The following ENY2 variants were observed in gnomAD, a reference collection of about 807,000 sequenced individuals.
ENY2 encodes the protein transcription and mRNA export factor ENY2.
A neutral mutation model predicts 15.9 loss-of-function variants in ENY2; 4 were observed. The ratio of observed to expected loss-of-function variants is 0.25; its 90% CI spans 0.12 to 0.57. ENY2 has a LOEUF of 0.57. Among genes scored for constraint, ENY2 ranks in the 20% least tolerant of loss-of-function variants. The probability of loss-of-function intolerance (pLI) is 0.91; values close to 1 mark genes in which losing one functional copy is unlikely to be tolerated. For missense variants in ENY2, 54 were observed against 117.2 expected (o/e 0.46, Z 2.49); for synonymous variants, 48 against 38.0 (o/e 1.26, Z -0.97).
At chr8:109,334,980 C>G (rs1388659357) in intron 1 of ENY2, 1 of 153,390 alleles carries the variant, frequency 6.5e-6, no homozygotes, top group Non-Finnish European at 1.5e-5. Context: ...TAACTCATTG[C>G]CAGTCTGAAT....
rs1275771969 is a variant in ENY2 at position 109,334,606 on chromosome 8, G to T, written c.6+132G>T. On this transcript the variant is annotated intron_variant, in intron 1 of 4. Coordinates refer to ENST00000521688, the MANE Select transcript of ENY2 (RefSeq NM_020189.6). The stretch of plus-strand genomic sequence containing the variant: ...GGGCTCTCCGACAGGGCGTGCTACC[G>T]GAGTTGGCCTGAAACCAGTCCTCGC... 2.6e-6 allele frequency: 3 copies of T among 1,145,142 alleles called. No individual in the cohort carries two copies. In the African/African-American group the frequency reaches 4.8e-5, roughly 18 times the overall value. The allele number at this position is 1,145,142 out of a possible 1,614,324, so 70.9% of individuals were successfully genotyped here.
intron 4 of ENY2, 79 bp from the exon 5 acceptor site, chr8:109,343,326 T>C (rs1197430167): frequency 1.7e-6 from 2 of 1,156,626 alleles, no homozygotes; most frequent in African/African-American, 1.6e-5. Context: ...TTGTTTACCC[T>C]GAGCAAAATG....
At chr8:109,342,769 G>A in intron 4 of ENY2, 1 of 695,472 alleles carries the variant, frequency 1.4e-6, no homozygotes, top group African/African-American at 1.8e-5. Context: ...CTTCCAGACT[G>A]CTGGGATGAC....
intron 3 of ENY2, 171 bp from the exon 4 acceptor site, chr8:109,340,318 G>C (rs1398899282): frequency 1.2e-6 from 1 of 856,724 alleles, no homozygotes; most frequent in Non-Finnish European, 1.7e-6. Context: ...TTATCTTTTA[G>C]ATCTAAAGAA....
Position 109,345,159 on chromosome 8 carries a change from C to T in ENY2, c.*1678C>T, listed in dbSNP as rs1816216750. 6.6e-6 allele frequency: 1 copy of T among 152,156 alleles called. No homozygotes were observed. Among genetic ancestry groups the T allele is most frequent in the Non-Finnish European group, 1.5e-5 (1 of 68,030 alleles). The allele number at this position is 152,156 out of a possible 1,614,324, so 9.4% of individuals were successfully genotyped here. A position where few individuals can be genotyped will look rare whatever the true frequency, so the allele number is the denominator to read the frequency against. On this transcript the variant is annotated 3_prime_UTR_variant, in exon 5 of 5. Transcript: ENST00000521688. Reference sequence around the variant, plus strand: ...ATTCAGACATCCCTCTGACTTAGATCCCCCACTACTGTTTTTCTGTGAGAA... The same window carrying T: ...ATTCAGACATCCCTCTGACTTAGATTCCCCACTACTGTTTTTCTGTGAGAA...
intron 1 of ENY2, chr8:109,334,749 A>C (rs1473684577): frequency 3.9e-6 from 2 of 512,000 alleles, no homozygotes; most frequent in African/African-American, 4.0e-5. Flanking sequence ...CAGTGAGAAA[A>C]CTGAGGCCTT....
intron 2 of ENY2, 148 bp downstream of exon 2, chr8:109,336,352 T>G (rs1815985775): frequency 1.4e-6 from 1 of 730,700 alleles, no homozygotes; most frequent in Admixed American, 2.8e-5. Context: ...GAAAAAATAA[T>G]TTAGGTTTGT....
At chr8:109,342,594 A>C (rs1236608658) in intron 4 of ENY2, 5 of 618,544 alleles carry the variant, frequency 8.1e-6, no homozygotes, top group Non-Finnish European at 1.2e-5. Flanking sequence ...ACTAGCCCGG[A>C]TCTCCCAGGC....
intron 2 of ENY2, among the ~76,000 whole-genome samples, chr8:109,336,940 G>C (rs976418974): frequency 6.6e-6 from 1 of 151,944 alleles, no homozygotes; most frequent in Non-Finnish European, 1.5e-5. Context: ...ATAAGGAAGA[G>C]GCAAATATGT....
At position 109,343,627 on chromosome 8, in the gene ENY2, C is replaced by A; in HGVS notation, c.*146C>A. 1 of 545,308 alleles carries A rather than the reference C, an allele frequency of 1.8e-6. No individual in the cohort carries two copies. The highest frequency in any genetic ancestry group is 3.0e-6 in the Non-Finnish European group (1 of 331,152). The allele number at this position is 545,308 out of a possible 1,614,324, so 33.8% of individuals were successfully genotyped here. Reference sequence around the variant, plus strand: ...ATGTATACATTGTATTGATTTTTTTCCCTAAATGTGTTATTTTAATAAATA... The same window carrying A: ...ATGTATACATTGTATTGATTTTTTTACCTAAATGTGTTATTTTAATAAATA... On this transcript the variant is annotated 3_prime_UTR_variant, in exon 5 of 5. Coordinates refer to ENST00000521688, the MANE Select transcript of ENY2 (RefSeq NM_020189.6).
Position 109,345,279 on chromosome 8 carries a change from T to G in ENY2, c.*1798T>G, listed in dbSNP as rs986973817. ...AAATGACTTCTCTGACTTTGTATGA[T>G]GCTTATTTGTGGATGAATGGGCAAG... On this transcript the variant is annotated 3_prime_UTR_variant, in exon 5 of 5. Coordinates refer to ENST00000521688, the MANE Select transcript of ENY2 (RefSeq NM_020189.6). 6.6e-6 allele frequency: 1 copy of G among 152,198 alleles called. No individual in the cohort carries two copies. The highest frequency in any genetic ancestry group is 2.4e-5 in the African/African-American group (1 of 41,438). The allele number at this position is 152,198 out of a possible 1,614,324, so 9.4% of individuals were successfully genotyped here.
rs1460052413 is a variant in ENY2, at chr8:109,338,232, G to A, written c.84-1088G>A. On this transcript the variant is annotated intron_variant, in intron 2 of 4. Coordinates refer to ENST00000521688, the MANE Select transcript of ENY2 (RefSeq NM_020189.6). ...GGTAATATTCTAGAGAAGAGATGATGGCTTGAACTAGAGTAGTAATGGCGG... is the reference window on the plus strand; with the variant it reads ...GGTAATATTCTAGAGAAGAGATGATAGCTTGAACTAGAGTAGTAATGGCGG... 5 of 152,216 alleles carry A rather than the reference G, an allele frequency of 3.3e-5. No individual in the cohort carries two copies. The East Asian group carries it at 9.6e-4, about 29-fold the overall frequency. 9.4% of individuals were successfully genotyped at this position (152,216 alleles called of 1,614,324 possible). A position where few individuals can be genotyped will look rare whatever the true frequency, so the allele number is the denominator to read the frequency against.
intron 2 of ENY2, chr8:109,338,651 A>G (rs910725308): frequency 6.6e-6 from 1 of 152,202 alleles, no homozygotes; most frequent in African/African-American, 2.4e-5. Flanking sequence ...TGGCAAAAGG[A>G]TAAGAAAATA....
At chr8:109,334,772 G>T (rs1413345762) in intron 1 of ENY2, 1 of 489,888 alleles carries the variant, frequency 2.0e-6, no homozygotes, top group Non-Finnish European at 3.6e-6. Flanking sequence ...AGAATTAAGT[G>T]ACTTGTCCAA....
Position 109,345,137 on chromosome 8 carries a change from C to G in ENY2, c.*1656C>G, listed in dbSNP as rs1816215899. The G allele has an allele frequency of 1.3e-5, 2 of 152,158 alleles. No homozygotes were observed. Among genetic ancestry groups the G allele is most frequent in the Non-Finnish European group, 2.9e-5 (2 of 68,036 alleles). The allele number at this position is 152,158 out of a possible 1,614,324, so 9.4% of individuals were successfully genotyped here. On this transcript the variant is annotated 3_prime_UTR_variant, in exon 5 of 5. Transcript: ENST00000521688. Reference sequence around the variant, plus strand: ...GTTCAGCTTTAGTTGCTAAAACATTCAGACATCCCTCTGACTTAGATCCCC... The same window carrying G: ...GTTCAGCTTTAGTTGCTAAAACATTGAGACATCCCTCTGACTTAGATCCCC...
chr8:109,345,767 T>A lies in ENY2; in HGVS notation c.*2286T>A, dbSNP rs1401419683. The A allele has an allele frequency of 6.6e-6, 1 of 152,170 alleles. No homozygotes were observed. The highest frequency in any genetic ancestry group is 6.5e-5 in the Admixed American group (1 of 15,276). The allele number at this position is 152,170 out of a possible 1,614,324, so 9.4% of individuals were successfully genotyped here. A position where few individuals can be genotyped will look rare whatever the true frequency, so the allele number is the denominator to read the frequency against. ...AAAACGTTATGAAAATATTTTAAAA[T>A]GGGATTTAAAAATAATTGAGAACAT... On this transcript the variant is annotated 3_prime_UTR_variant, in exon 5 of 5. Transcript: ENST00000521688.
intron 1 of ENY2, 31 bp from the exon 2 acceptor site, chr8:109,336,097 T>A: frequency 6.2e-7 from 1 of 1,607,328 alleles, no homozygotes; most frequent in Non-Finnish European, 8.5e-7. Context: ...TTGTAAATGT[T>A]CTATATCTGA....
chr8:109,339,654 GT>G (rs758179402), intron 3 of ENY2: 1 of 365,040 alleles, frequency 2.7e-6, no homozygotes, highest in Non-Finnish European at 4.9e-6. Flanking sequence ...CAACTTTATT[GT>G]TTCTTATGTT....
chr8:109,340,876 C>G (rs1410630930), intron 4 of ENY2: 1 of 221,228 alleles, frequency 4.5e-6, no homozygotes, highest in Non-Finnish European at 8.9e-6. Context: ...TAAACTTTAT[C>G]AGATATGGCA....
Sources: gnomAD v4.1 joint callset for allele counts (sites outside exome capture counted in the v4.1 genomes callset) on GRCh38, gnomAD v4.1.1 for gene constraint, MANE v1.5 for transcripts, NCBI Gene and HGNC (gene_info 2026-07-23, HGNC 2026-07-21) for gene names.